Variants in MYSM1 observed in about 807,000 individuals in gnomAD.
MYSM1 encodes the protein deubiquitinase MYSM1.
In MYSM1, 51 loss-of-function variants were observed where a neutral mutation model predicts 116.0. That is an observed-to-expected ratio of 0.44 (90% CI 0.35 to 0.56). The LOEUF (loss-of-function observed/expected upper bound fraction) is 0.56. MYSM1 is among the 20% of genes least tolerant of loss of function. MYSM1 has a pLI of 0.00. For missense variants in MYSM1, 900 were observed against 974.9 expected (o/e 0.92, Z 1.02); for synonymous variants, 313 against 315.2 (o/e 0.99, Z 0.07).
At chr1:58,668,718 T>C in intron 13 of MYSM1, 36 bp from the exon 14 acceptor site, 2 of 1,564,282 alleles carry the variant, frequency 1.3e-6, no homozygotes, top group Non-Finnish European at 8.7e-7. Flanking sequence ...CGGGGGAGCA[T>C]AAAAATAGAG....
intron 2 of MYSM1, 94 bp from the exon 3 acceptor site, chr1:58,693,025 T>C (rs1276010644): frequency 3.1e-6 from 3 of 966,086 alleles, no homozygotes; most frequent in Admixed American, 4.9e-5. Context: ...ATAATGATTA[T>C]AAATGACAGT....
chr1:58,673,292 C>T (rs1039697914), intron 11 of MYSM1, among the ~76,000 whole-genome samples: 10 of 152,056 alleles, frequency 6.6e-5, no homozygotes, highest in African/African-American at 1.4e-4. Flanking sequence ...TTTAATGAAA[C>T]GAATTGGGCA....
rs232852 is a variant in MYSM1 at position 58,656,617 on chromosome 1, T to G, written c.*3380A>C. 0.27 allele frequency: 40,498 copies of G among 151,930 alleles called. 6,170 individuals are homozygous for G. Among genetic ancestry groups the G allele is most frequent in the African/African-American group, 0.41 (16,925 of 41,400 alleles). The allele number at this position is 151,930 out of a possible 1,614,324, so 9.4% of individuals were successfully genotyped here. A position where few individuals can be genotyped will look rare whatever the true frequency, so the allele number is the denominator to read the frequency against. ...AGTTTTCGTTAGGTTGGGAAGGAAGTAAGTTCAAGTCTATAGATCTATAAC... is the reference window on the plus strand; with the variant it reads ...AGTTTTCGTTAGGTTGGGAAGGAAGGAAGTTCAAGTCTATAGATCTATAAC... On this transcript the variant is annotated 3_prime_UTR_variant, in exon 20 of 20. Transcript: ENST00000472487.
intron 7 of MYSM1, 88 bp from the exon 8 acceptor site, chr1:58,682,633 G>A: frequency 8.3e-7 from 1 of 1,202,668 alleles, no homozygotes; most frequent in South Asian, 1.8e-5. Context: ...AATATACAGT[G>A]TTATTAAACT....
At position 58,682,073 on chromosome 1, in the gene MYSM1, T is replaced by C. The variant is rs756475573; in HGVS notation, c.971A>G (p.Asn324Ser). 61 of 1,614,068 alleles carry C rather than the reference T, an allele frequency of 3.8e-5. No homozygotes were observed. Among genetic ancestry groups the C allele is most frequent in the Non-Finnish European group, 4.7e-5 (56 of 1,180,042 alleles). Residue 324 changes from asparagine to serine, a missense_variant, in exon 8 of 20, where the codon AAC (asparagine) becomes AGC (serine). Transcript: ENST00000472487. ...TATTATTCCCCTTCCATCATGCTTG[T>C]TGCAGTTTTTAATCAATTCATTAAA... The part of the protein sequence containing the change: ...QKFNELIKNC[N>S]KHDGRGIIVD...
chr1:58,699,679 A>T (rs1342237973), intron 1 of MYSM1: 1 of 985,316 alleles, frequency 1.0e-6, no homozygotes, highest in African/African-American at 1.7e-5. Flanking sequence ...GATCCTGAAA[A>T]GGAGGGAACG....
chr1:58,666,976 T>C (rs1384805125), intron 16 of MYSM1, 62 bp downstream of exon 16: 1 of 857,288 alleles, frequency 1.2e-6, no homozygotes, highest in African/African-American at 1.7e-5. Flanking sequence ...AGTTTATCTA[T>C]TTAAAAGGGA....
intron 2 of MYSM1, among the ~76,000 whole-genome samples, chr1:58,693,160 C>T (rs1409290617): frequency 6.6e-6 from 1 of 152,198 alleles, no homozygotes; most frequent in Non-Finnish European, 1.5e-5. Flanking sequence ...AGACTTTACA[C>T]CTGAGTCTGT....
At chr1:58,687,464 A>G (rs766827381) in intron 6 of MYSM1, among the ~76,000 whole-genome samples, 3 of 152,158 alleles carry the variant, frequency 2.0e-5, no homozygotes, top group Admixed American at 6.5e-5. Context: ...AAAAATAACA[A>G]CCCAAAAATG....
intron 10 of MYSM1, among the ~76,000 whole-genome samples, chr1:58,673,881 C>A (rs1644603105): frequency 6.6e-6 from 1 of 152,116 alleles, no homozygotes; most frequent in Non-Finnish European, 1.5e-5. Flanking sequence ...GCAGGAGCAC[C>A]AGTAGCAGGT....
Position 58,681,844 on chromosome 1 carries a change from C to A in MYSM1, c.1200G>T (p.Gly400=). 6.2e-7 allele frequency: 1 copy of A among 1,610,314 alleles called. No individual in the cohort carries two copies. Among genetic ancestry groups the A allele is most frequent in the East Asian group, 2.2e-5 (1 of 44,840 alleles). The change falls in exon 8 of 20, where the codon GGG becomes GGT. Residue 400 remains glycine, a synonymous_variant. Coordinates refer to ENST00000472487, the MANE Select transcript of MYSM1 (RefSeq NM_001085487.3). ...EKQAIPEFFE[G]RQAKTPERYL... ...AGCGTTCTGGTGTTTTAGCTTGGCG[C>A]CCCTCAAAAAACTCAGGAATTGCTT...
At chr1:58,679,469 AT>A (rs1037505961) in intron 8 of MYSM1, among the ~76,000 whole-genome samples, 10 of 152,148 alleles carry the variant, frequency 6.6e-5, no homozygotes, top group African/African-American at 1.7e-4. Flanking sequence ...TCATATGGAC[AT>A]TTTTAAGAGA....
At chr1:58,685,052 C>T in intron 7 of MYSM1, 101 bp downstream of exon 7, 1 of 949,542 alleles carries the variant, frequency 1.1e-6, no homozygotes, top group Non-Finnish European at 1.5e-6. Context: ...ACTTTAAAAA[C>T]TTTTACCAGT....
At chr1:58,685,907 T>C (rs529643443) in intron 6 of MYSM1, among the ~76,000 whole-genome samples, 1 of 152,340 alleles carries the variant, frequency 6.6e-6, no homozygotes, top group Non-Finnish European at 1.5e-5. Flanking sequence ...ACTCTGGTTT[T>C]CTCCTGTTAA....
At chr1:58,667,596 A>G (rs232795) in intron 15 of MYSM1, among the ~76,000 whole-genome samples, 40,402 of 151,564 alleles carry the variant, frequency 0.27, 6,159 homozygotes, top group African/African-American at 0.41. Flanking sequence ...TAGAAGTTGT[A>G]GCTTTTTACT....
At chr1:58,688,513 T>A (rs1003030556) in intron 6 of MYSM1, among the ~76,000 whole-genome samples, 4 of 151,854 alleles carry the variant, frequency 2.6e-5, no homozygotes, top group African/African-American at 9.7e-5. Context: ...TTTTCCATTA[T>A]GCAACTTGTG....
rs990775187 is a variant in MYSM1 at position 58,669,035 on chromosome 1, C to T, written c.1665G>A (p.Ser555=). Residue 555 remains serine, a synonymous_variant, in exon 13 of 20, where the codon TCG becomes TCA. Coordinates refer to ENST00000472487, the MANE Select transcript of MYSM1 (RefSeq NM_001085487.3). ...SLKVPRPTKS[S]FDPFQLIPCN... ...AAGGTATCAGTTGGAAGGGATCAAA[C>T]GAGCTGAAAAAGAAAAAAAATTTTC... The T allele has an allele frequency of 6.9e-6, 11 of 1,585,730 alleles. No homozygotes were observed. Among genetic ancestry groups the T allele is most frequent in the Middle Eastern group, 1.7e-4 (1 of 5,994 alleles).
chr1:58,680,065 C>T (rs1357734511), intron 8 of MYSM1, among the ~76,000 whole-genome samples: 1 of 149,726 alleles, frequency 6.7e-6, no homozygotes, highest in Admixed American at 6.6e-5. Context: ...TGAGCCACTA[C>T]TCCTGACCAA....
intron 8 of MYSM1, 75 bp downstream of exon 8, chr1:58,681,710 T>C: frequency 7.3e-7 from 1 of 1,377,774 alleles, no homozygotes; most frequent in Non-Finnish European, 9.7e-7. Context: ...AAATTCTAAA[T>C]TCTGTATAGG....
Sources: allele counts gnomAD v4.1 joint callset (sites outside exome capture counted in the v4.1 genomes callset), GRCh38; gene constraint gnomAD v4.1.1; transcripts MANE v1.5; gene names NCBI Gene and HGNC (gene_info 2026-07-23, HGNC 2026-07-21).